The following NTNG1 variants were observed in gnomAD, a reference collection of about 807,000 sequenced individuals.
NTNG1 encodes the protein netrin G1.
Under a neutral mutation model 54.0 loss-of-function variants are expected in NTNG1, and 16 were observed. The ratio of observed to expected loss-of-function variants is 0.30; its 90% confidence interval spans 0.20 to 0.45. The LOEUF is 0.45. Among genes scored for constraint, NTNG1 ranks in the 20% least tolerant of loss-of-function variants. NTNG1 has a pLI of 1.00. For missense variants in NTNG1, 530 were observed against 678.7 expected, an observed-to-expected ratio of 0.78 and a Z score of 2.43; for synonymous variants, 255 against 263.1, an observed-to-expected ratio of 0.97 and a Z score of 0.30.
chr1:107,386,522 C>A (rs1163170845), intron 3 of NTNG1, among the ~76,000 whole-genome samples: 1 of 152,126 alleles, frequency 6.6e-6, no homozygotes, highest in Non-Finnish European at 1.5e-5. Context: ...TTTCACATAG[C>A]ACAATGCTTC....
chr1:107,338,705 G>A (rs918336224), intron 3 of NTNG1, among the ~76,000 whole-genome samples: 4 of 151,506 alleles, frequency 2.6e-5, no homozygotes, highest in Non-Finnish European at 2.9e-5. Context: ...CTGACTCTCC[G>A]GTTCACAACA....
intron 2 of NTNG1, among the ~76,000 whole-genome samples, chr1:107,315,071 C>G (rs1667259388): frequency 6.6e-6 from 1 of 152,182 alleles, no homozygotes; most frequent in Non-Finnish European, 1.5e-5. Flanking sequence ...ACCTGGCCTT[C>G]CAACTCAGTA....
chr1:107,330,788 C>T (rs746849198), intron 3 of NTNG1: 7 of 152,006 alleles, frequency 4.6e-5, no homozygotes, highest in Non-Finnish European at 1.5e-5. Context: ...CTTTGAGAAT[C>T]GATGACATTG....
intron 2 of NTNG1, among the ~76,000 whole-genome samples, chr1:107,266,545 C>T (rs1475361530): frequency 1.3e-5 from 2 of 151,884 alleles, no homozygotes; most frequent in Non-Finnish European, 2.9e-5. Flanking sequence ...CCTCTCACCT[C>T]CTCTAACATT....
chr1:107,358,781 T>C (rs560308375), intron 3 of NTNG1, among the ~76,000 whole-genome samples: 1 of 152,090 alleles, frequency 6.6e-6, no homozygotes, highest in East Asian at 1.9e-4. Flanking sequence ...AAACATGCCA[T>C]AACACCCTGC....
intron 2 of NTNG1, among the ~76,000 whole-genome samples, chr1:107,315,392 G>A (rs1426927892): frequency 6.6e-6 from 1 of 152,142 alleles, no homozygotes; most frequent in African/African-American, 2.4e-5. Context: ...CATTGAAAAT[G>A]TAAATCAAAT....
intron 2 of NTNG1, among the ~76,000 whole-genome samples, chr1:107,244,143 A>G (rs1662027448): frequency 1.3e-5 from 2 of 152,226 alleles, no homozygotes; most frequent in Non-Finnish European, 2.9e-5. Context: ...CTAACTTTAT[A>G]TATAATGTTG....
intron 3 of NTNG1, among the ~76,000 whole-genome samples, chr1:107,333,663 G>T (rs1204187820): frequency 6.6e-6 from 1 of 151,854 alleles, no homozygotes; most frequent in South Asian, 2.1e-4. Flanking sequence ...GTGTGTTTGT[G>T]TGTGTGTGTG....
intron 6 of NTNG1, among the ~76,000 whole-genome samples, chr1:107,433,929 A>G (rs1003369747): frequency 6.6e-5 from 10 of 152,284 alleles, no homozygotes; most frequent in African/African-American, 2.2e-4. Context: ...TAAGATTCCT[A>G]AAGGGCTTGC....
At position 107,484,036 on chromosome 1, in the gene NTNG1, C is replaced by T. The variant is rs371727256; in HGVS notation, c.*3196C>T. Among the ~76,000 whole-genome samples, 4 of 152,270 alleles carry T rather than the reference C, an allele frequency of 2.6e-5. No individual in the cohort carries two copies. Among genetic ancestry groups the T allele is most frequent in the African/African-American group, 9.6e-5 (4 of 41,564 alleles). On this transcript the variant is annotated 3_prime_UTR_variant, in exon 8 of 8. Coordinates refer to ENST00000370068, the MANE Select transcript of NTNG1 (RefSeq NM_001113226.3). ...ACCTAGAGTTTCCTACTCAGATAAC[C>T]GCCCCCCACACGCACACTTTTAGGC...
intron 7 of NTNG1, among the ~76,000 whole-genome samples, chr1:107,452,359 C>T (rs568992689): frequency 6.9e-4 from 105 of 152,084 alleles, no homozygotes; most frequent in Non-Finnish European, 1.2e-3. Context: ...ATCAAGGAAA[C>T]ATGGGAAGTC....
intron 3 of NTNG1, among the ~76,000 whole-genome samples, chr1:107,349,972 A>G (rs1291087661): frequency 6.6e-6 from 1 of 152,204 alleles, no homozygotes; most frequent in African/African-American, 2.4e-5. Context: ...ATTCAGCATT[A>G]TAAAATAACC....
At chr1:107,439,850 T>C (rs1675855847) in intron 7 of NTNG1, among the ~76,000 whole-genome samples, 1 of 151,958 alleles carries the variant, frequency 6.6e-6, no homozygotes, top group Non-Finnish European at 1.5e-5. Flanking sequence ...TTCTGATTAG[T>C]TGGTGCTGGA....
chr1:107,442,258 G>T (rs79820012), intron 7 of NTNG1, among the ~76,000 whole-genome samples: 2,145 of 152,156 alleles, frequency 0.014, 30 homozygotes, highest in Non-Finnish European at 0.023. Context: ...AATCTAAGAG[G>T]TATTGTTCCA....
intron 2 of NTNG1, among the ~76,000 whole-genome samples, chr1:107,319,479 G>A (rs891340284): frequency 2.6e-5 from 4 of 152,104 alleles, no homozygotes; most frequent in East Asian, 1.9e-4. Flanking sequence ...AAGGCCTTGC[G>A]TTGGAAACAC....
chr1:107,169,616 A>G (rs890696906), intron 2 of NTNG1, among the ~76,000 whole-genome samples: 1 of 152,144 alleles, frequency 6.6e-6, no homozygotes, highest in African/African-American at 2.4e-5. Flanking sequence ...AAATCTTACA[A>G]ATAAGTGAGT....
At chr1:107,414,614 T>C (rs1317791744) in intron 5 of NTNG1, among the ~76,000 whole-genome samples, 1 of 152,140 alleles carries the variant, frequency 6.6e-6, no homozygotes, top group African/African-American at 2.4e-5. Flanking sequence ...CAATTAATAC[T>C]GAAAAAAATA....
At chr1:107,204,696 G>A (rs1373777411) in intron 2 of NTNG1, among the ~76,000 whole-genome samples, 1 of 152,128 alleles carries the variant, frequency 6.6e-6, no homozygotes, top group Non-Finnish European at 1.5e-5. Context: ...AATGGTAATT[G>A]TTTTAAGCCA....
chr1:107,341,383 C>G (rs1668887700), intron 3 of NTNG1, among the ~76,000 whole-genome samples: 1 of 151,994 alleles, frequency 6.6e-6, no homozygotes, highest in Non-Finnish European at 1.5e-5. Flanking sequence ...TTAAATTTAT[C>G]ATTACCATAT....
Sources: gnomAD v4.1 joint callset for allele counts (sites outside exome capture counted in the v4.1 genomes callset) on GRCh38, gnomAD v4.1.1 for gene constraint, MANE v1.5 for transcripts, NCBI Gene and HGNC (gene_info 2026-07-23, HGNC 2026-07-21) for gene names.